ZNF775: variants seen among roughly 807,000 people sequenced by gnomAD.
ZNF775 encodes the protein zinc finger protein 775.
In ZNF775, 1 loss-of-function variant was observed where a neutral mutation model predicts 2.4. The ratio of observed to expected loss-of-function variants is 0.41; its 90% CI spans 0.15 to 1.94. The LOEUF is 1.94. Among genes scored for constraint, ZNF775 ranks in the 30% most tolerant of loss-of-function variants. ZNF775 has a pLI of 0.30. For missense variants in ZNF775, 823 were observed against 826.6 expected, an observed-to-expected ratio of 1.00 and a Z score of 0.05; for synonymous variants, 381 against 373.3, an observed-to-expected ratio of 1.02 and a Z score of -0.24.
In ZNF775 at chr7:150,397,930, C is replaced by T; in HGVS notation, c.1449C>T (p.Phe483=). Residue 483 remains phenylalanine (F), a synonymous_variant, in exon 3 of 3, where the codon TTC becomes TTT. Transcript: ENST00000329630. The part of the protein sequence containing the change: ...PYPCPECGRR[F]SQKPNLTRHR... Reference sequence around the variant, plus strand: ...CGTGCCCCGAGTGCGGCCGCCGCTTCAGCCAGAAGCCCAACCTGACGCGGC... The same window carrying T: ...CGTGCCCCGAGTGCGGCCGCCGCTTTAGCCAGAAGCCCAACCTGACGCGGC... The T allele has an allele frequency of 1.2e-6, 2 of 1,602,000 alleles. No individual in the cohort carries two copies. Among genetic ancestry groups the T allele is most frequent in the Non-Finnish European group, 1.7e-6 (2 of 1,178,794 alleles).
intron 2 of ZNF775, among the ~76,000 whole-genome samples, chr7:150,394,651 CCCT>C (rs1421939232): frequency 2.9e-4 from 39 of 136,478 alleles, no homozygotes; most frequent in African/African-American, 1.1e-3. Flanking sequence ...CTCTCTCTCT[CCCT>C]CCCTCCCTCC....
rs7795021 is a variant in ZNF775 at position 150,384,397 on chromosome 7, T to C, written c.-49-4025T>C. 0.15 allele frequency among the ~76,000 whole-genome samples: 22,573 copies of C among 152,160 alleles called. 2,867 individuals are homozygous for C. The highest frequency in any genetic ancestry group is 0.35 in the African/African-American group (14,501 of 41,476). On this transcript the variant is annotated intron_variant, in intron 1 of 2. Coordinates refer to ENST00000329630, the MANE Select transcript of ZNF775 (RefSeq NM_173680.4). The surrounding 1 kb of genome is among the most constrained non-coding windows in gnomAD (Gnocchi z 4.1). ...TGGCTCCTGGGTGTCTCCAGGTGGC[T>C]GAGGACATGTCAGGATGGTAGGTTA...
At chr7:150,388,092 C>T (rs1199248009) in intron 1 of ZNF775, among the ~76,000 whole-genome samples, 2 of 152,160 alleles carry the variant, frequency 1.3e-5, no homozygotes, top group Admixed American at 6.5e-5. Context: ...TGCCGCCCTG[C>T]GAATGTTGAG....
rs1585090255 is a variant in ZNF775, at chr7:150,397,957, C to G, written c.1476C>G (p.His492Gln). ...RFSQKPNLTR[H>Q]RRNHTGERPY... The stretch of plus-strand genomic sequence containing the variant: ...GCCAGAAGCCCAACCTGACGCGGCA[C>G]CGGCGCAACCACACAGGCGAGCGGC... Residue 492 changes from histidine to glutamine, a missense_variant, in exon 3 of 3, where the codon CAC (histidine) becomes CAG (glutamine). Physicochemically the swap from His to Gln is conservative, Grantham distance 24. Coordinates refer to ENST00000329630, the MANE Select transcript of ZNF775 (RefSeq NM_173680.4). 6.3e-7 allele frequency: 1 copy of G among 1,599,854 alleles called. No individual in the cohort carries two copies. The highest frequency in any genetic ancestry group is 8.5e-7 in the Non-Finnish European group (1 of 1,178,394).
intron 1 of ZNF775, among the ~76,000 whole-genome samples, chr7:150,387,212 T>C (rs1372667195): frequency 1.3e-5 from 2 of 151,036 alleles, no homozygotes; most frequent in Non-Finnish European, 2.9e-5. Context: ...GGAGAATCAC[T>C]TGAACCCAGG....
rs1338423583 is a variant in ZNF775, at chr7:150,396,578, C to T, written c.97C>T (p.Gln33Ter). The change falls in exon 3 of 3, where the codon CAG (glutamine) becomes TAG (stop). Residue 33 changes from glutamine (Q) to a stop codon, truncating the protein, a stop_gained. Coordinates refer to ENST00000329630, the MANE Select transcript of ZNF775 (RefSeq NM_173680.4). LOFTEE classifies it low-confidence loss of function (END_TRUNC). ...GCGGCTGCTGCAGACGCTGGCGCCGCAGGCCATGCTTGTGGAGAAGGACAA... is the reference window on the plus strand; with the variant it reads ...GCGGCTGCTGCAGACGCTGGCGCCGTAGGCCATGCTTGTGGAGAAGGACAA... ...PERLLQTLAPQAMLVEKDKEN... is the reference protein window; with the variant it reads ...PERLLQTLAP The T allele has an allele frequency of 1.2e-6, 2 of 1,607,366 alleles. No homozygotes were observed. Among genetic ancestry groups the T allele is most frequent in the Admixed American group, 3.4e-5 (2 of 59,358 alleles).
rs1202320863 is a variant in ZNF775, at chr7:150,397,401, G to A, written c.920G>A (p.Arg307His). ...CACCAGCGCATCCACACTGGCGAGC[G>A]CCCCTATGCGTGCCCCGAGTGCGGC... ...NIHQRIHTGERPYACPECGRR... is the reference protein window; with the variant it reads ...NIHQRIHTGEHPYACPECGRR... The change falls in exon 3 of 3, where the codon CGC (arginine) becomes CAC (histidine). Residue 307 changes from arginine (R) to histidine (H), a missense_variant. Transcript: ENST00000329630. The A allele has an allele frequency of 6.3e-7, 1 of 1,595,304 alleles. No homozygotes were observed. The highest frequency in any genetic ancestry group is 8.5e-7 in the Non-Finnish European group (1 of 1,174,520).
intron 2 of ZNF775, among the ~76,000 whole-genome samples, chr7:150,389,049 C>T (rs762463339): frequency 6.6e-6 from 1 of 152,258 alleles, no homozygotes; most frequent in Non-Finnish European, 1.5e-5. Context: ...CCCTGCCCAG[C>T]GTCCCTGCGC....
rs1196497859 is a variant in ZNF775, at chr7:150,397,105, C to T, written c.624C>T (p.Ile208=). Reference sequence around the variant, plus strand: ...TCCGTCACCAGGTGGGCCTCCGCATCCACCAGCGCGCGCACGCCCGGGACC... The same window carrying T: ...TCCGTCACCAGGTGGGCCTCCGCATTCACCAGCGCGCGCACGCCCGGGACC... ...RCFRHQVGLR[I]HQRAHARDRQ... Residue 208 remains isoleucine (I), a synonymous_variant, in exon 3 of 3, where the codon ATC becomes ATT. Coordinates refer to ENST00000329630, the MANE Select transcript of ZNF775 (RefSeq NM_173680.4). 3.9e-6 allele frequency: 6 copies of T among 1,554,818 alleles called. No homozygotes were observed. Among genetic ancestry groups the T allele is most frequent in the Middle Eastern group, 1.7e-4 (1 of 5,954 alleles).
At chr7:150,392,545 A>ATCACTC (rs1210884849) in intron 2 of ZNF775, among the ~76,000 whole-genome samples, 4 of 136,582 alleles carry the variant, frequency 2.9e-5, no homozygotes, top group African/African-American at 1.2e-4. Flanking sequence ...TCCCAAATGG[A>ATCACTC]TCTCTCTCTC....
Position 150,382,347 on chromosome 7 carries a change from T to C in ZNF775, c.-50+2955T>C, listed in dbSNP as rs1055143350. Among the ~76,000 whole-genome samples, 2 of 152,056 alleles carry C rather than the reference T, an allele frequency of 1.3e-5. No individual in the cohort carries two copies. The highest frequency in any genetic ancestry group is 4.8e-5 in the African/African-American group (2 of 41,400). On this transcript the variant is annotated intron_variant, in intron 1 of 2. Transcript: ENST00000329630. This position sits in a 1 kb window ranked among gnomAD's most constrained non-coding sequence, Gnocchi z 4.6. The stretch of plus-strand genomic sequence containing the variant: ...GCTCCTCCCAAACTCAGGGAGCAGG[T>C]ATTTCCGTTCACCTGCGCCTTCAAG...
Position 150,396,649 on chromosome 7 carries a change from C to T in ZNF775, c.168C>T (p.Thr56=). ...QQHRGLPPRQ[T]MGRPRALGGQ... is the part of the protein sequence containing the mutation. ...ACCGGGGCCTCCCGCCACGCCAGAC[C>T]ATGGGGCGGCCTCGAGCCCTGGGGG... The change falls in exon 3 of 3, where the codon ACC becomes ACT. Residue 56 remains threonine (T), a synonymous_variant. Transcript: ENST00000329630. 6.2e-7 allele frequency: 1 copy of T among 1,611,752 alleles called. No individual in the cohort carries two copies.
intron 2 of ZNF775, among the ~76,000 whole-genome samples, chr7:150,392,973 A>G (rs543856114): frequency 6.6e-6 from 1 of 152,366 alleles, no homozygotes; most frequent in African/African-American, 2.4e-5. Flanking sequence ...TGATGAACCA[A>G]TATAGATACA....
chr7:150,395,177 C>G (rs1800626871), intron 2 of ZNF775, among the ~76,000 whole-genome samples: 1 of 152,100 alleles, frequency 6.6e-6, no homozygotes. Flanking sequence ...TTTTAGTTTA[C>G]ATTTTCTTGC....
chr7:150,396,838 G>A lies in ZNF775; in HGVS notation c.357G>A (p.Trp119Ter). The change falls in exon 3 of 3, where the codon TGG becomes TGA. Residue 119 changes from tryptophan (W) to a stop codon, truncating the protein, a stop_gained. Coordinates refer to ENST00000329630, the MANE Select transcript of ZNF775 (RefSeq NM_173680.4). LOFTEE classifies it low-confidence loss of function (END_TRUNC). ...CLDCGKRFSW[W>*]SSLKIHQRTH... Reference sequence around the variant, plus strand: ...ACTGCGGGAAGAGGTTCAGCTGGTGGTCGTCCCTGAAGATCCACCAGCGCA... The same window carrying A: ...ACTGCGGGAAGAGGTTCAGCTGGTGATCGTCCCTGAAGATCCACCAGCGCA... The A allele has an allele frequency of 1.2e-6, 2 of 1,602,184 alleles. No individual in the cohort carries two copies. Among genetic ancestry groups the A allele is most frequent in the South Asian group, 1.1e-5 (1 of 90,778 alleles).
intron 2 of ZNF775, among the ~76,000 whole-genome samples, chr7:150,393,071 G>A (rs1050918604): frequency 9.9e-5 from 15 of 152,140 alleles, no homozygotes; most frequent in East Asian, 1.9e-4. Context: ...ATAATGTCCC[G>A]TATCACTATT....
intron 2 of ZNF775, among the ~76,000 whole-genome samples, chr7:150,391,221 A>G (rs770157752): frequency 4.6e-5 from 7 of 152,244 alleles, no homozygotes; most frequent in Admixed American, 6.5e-5. Flanking sequence ...AATTAACTTA[A>G]GTACGGCCAG....
At chr7:150,394,460 G>A (rs768936403) in intron 2 of ZNF775, among the ~76,000 whole-genome samples, 5 of 152,082 alleles carry the variant, frequency 3.3e-5, no homozygotes, top group Non-Finnish European at 5.9e-5. Flanking sequence ...CCTCTGCCTT[G>A]GCTAGTTCCT....
At chr7:150,380,579 C>T (rs186036031) in intron 1 of ZNF775, among the ~76,000 whole-genome samples, 4 of 152,160 alleles carry the variant, frequency 2.6e-5, no homozygotes, top group East Asian at 1.9e-4. Context: ...TCACAGGGTG[C>T]GAGGACACGG....
Sources: allele counts gnomAD v4.1 joint callset (sites outside exome capture counted in the v4.1 genomes callset), GRCh38; gene constraint gnomAD v4.1.1; non-coding constraint Gnocchi (gnomAD v3.1); transcripts MANE v1.5; gene names NCBI Gene and HGNC (gene_info 2026-07-23, HGNC 2026-07-21).